MYL9: variants seen among roughly 807,000 people sequenced by gnomAD.
MYL9 encodes the protein myosin regulatory light polypeptide 9.
In MYL9, 7 loss-of-function variants were observed where a neutral mutation model predicts 12.8. That is an observed-to-expected ratio of 0.55 (90% CI 0.31 to 1.03). The LOEUF (loss-of-function observed/expected upper bound fraction) is 1.03. Ranked by LOEUF, MYL9 falls within the 50% of genes least tolerant of loss-of-function variation. The pLI is 0.05. For missense variants in MYL9, 190 were observed against 242.7 expected (o/e 0.78, Z 1.44); for synonymous variants, 81 against 87.8 (o/e 0.92, Z 0.43).
chr20:36,545,783 G>C (rs2038092406), intron 2 of MYL9, among the ~76,000 whole-genome samples: 1 of 151,996 alleles, frequency 6.6e-6, no homozygotes, highest in South Asian at 2.1e-4. Flanking sequence ...ACAAAAATTA[G>C]CTGGGCGTGG....
chr20:36,545,122 A>T, intron 2 of MYL9, 54 bp downstream of exon 2: 2 of 1,583,282 alleles, frequency 1.3e-6, no homozygotes, highest in Non-Finnish European at 1.7e-6. Context: ...AGGCTCTGCC[A>T]ATCATTTACA....
rs567506519 is a variant in MYL9, at chr20:36,544,478, A to G, written c.-26-381A>G. Among the ~76,000 whole-genome samples, 3 of 152,326 alleles carry G rather than the reference A, an allele frequency of 2.0e-5. No homozygotes were observed. The South Asian group carries it at 6.2e-4, about 32-fold the overall frequency. On this transcript the variant is annotated intron_variant, in intron 1 of 3. Transcript: ENST00000279022. ...GACAGTGTAAATGCTATTAAGGATT[A>G]AAGGAGATAAAGCATGGTAATGGTT...
rs779011392 is a variant in MYL9 at position 36,549,066 on chromosome 20, C to CCTGCCCGCAGGTTTCATCCATGAGGACCA, written c.347-9_366dup. 3.1e-6 allele frequency: 5 copies of CCTGCCCGCAGGTTTCATCCATGAGGACCA among 1,610,896 alleles called. No individual in the cohort carries two copies. The highest frequency in any genetic ancestry group is 3.4e-6 in the Non-Finnish European group (4 of 1,178,898). On this transcript the variant is annotated splice_polypyrimidine_tract_variant and intron_variant, in intron 3 of 3. Transcript: ENST00000279022. The stretch of plus-strand genomic sequence containing the variant: ...AGTTCCTGCTCTCACCCACCCTGCC[C>CCTGCCCGCAGGTTTCATCCATGAGGACCA]CTGCCCGCAGGTTTCATCCATGAGG...
chr20:36,549,167 C>G lies in MYL9; in HGVS notation c.437C>G (p.Ala146Gly). ...GAAGTGGACGAGATGTACCGGGAGG[C>G]ACCCATTGATAAGAAAGGCAACTTC... ...DEEVDEMYRE[A>G]PIDKKGNFNY... Residue 146 changes from alanine to glycine, a missense_variant, in exon 4 of 4, where the codon GCA becomes GGA. By Grantham distance (60) the Ala-to-Gly change is moderately conservative. Transcript: ENST00000279022. The G allele has an allele frequency of 6.2e-7, 1 of 1,614,036 alleles. No homozygotes were observed. The highest frequency in any genetic ancestry group is 8.5e-7 in the Non-Finnish European group (1 of 1,180,002).
Position 36,549,337 on chromosome 20 carries a change from C to T in MYL9, c.*88C>T. 1.7e-6 allele frequency: 2 copies of T among 1,189,606 alleles called. No individual in the cohort carries two copies. Among genetic ancestry groups the T allele is most frequent in the Non-Finnish European group, 1.2e-6 (1 of 844,570 alleles). The allele number at this position is 1,189,606 out of a possible 1,614,324, so 73.7% of individuals were successfully genotyped here. On this transcript the variant is annotated 3_prime_UTR_variant, in exon 4 of 4. Transcript: ENST00000279022. ...ATACCAGCTCCCTGCCCATGACCCT[C>T]GCTCAGGGATCCCCCTTTGAGGGGT...
At chr20:36,548,734 A>C (rs553793172) in intron 3 of MYL9, among the ~76,000 whole-genome samples, 2 of 152,168 alleles carry the variant, frequency 1.3e-5, no homozygotes, top group Admixed American at 6.5e-5. Flanking sequence ...CAGCACTGCA[A>C]CTCAGGCAGT....
In MYL9 at chr20:36,547,911, C is replaced by T. The variant is rs796657576; in HGVS notation, c.185-121C>T. ...GAGCCATGCTTTCCAGTTCACAAAA[C>T]CCACTACCTCCCGTCTCACACGGAG... On this transcript the variant is annotated intron_variant, in intron 2 of 3. Coordinates refer to ENST00000279022, the MANE Select transcript of MYL9 (RefSeq NM_006097.5). 21 of 1,244,664 alleles carry T rather than the reference C, an allele frequency of 1.7e-5. No individual in the cohort carries two copies. In the African/African-American group the frequency reaches 3.1e-4, roughly 18 times the overall value. The allele number at this position is 1,244,664 out of a possible 1,614,324, so 77.1% of individuals were successfully genotyped here. A position where few individuals can be genotyped will look rare whatever the true frequency, so the allele number is the denominator to read the frequency against.
rs138677678 is a variant in MYL9, at chr20:36,548,343, G to A, written c.346+150G>A. On this transcript the variant is annotated intron_variant, in intron 3 of 3. Transcript: ENST00000279022. ...AAAGCCAGGCCACCTCCTTATTGTC[G>A]CCGCAAAGGCTAGGCCAGAACAGCC... 142 of 1,119,168 alleles carry A rather than the reference G, an allele frequency of 1.3e-4. No homozygotes were observed. The East Asian group carries it at 3.4e-3, about 26-fold the overall frequency. 69.3% of individuals were successfully genotyped at this position (1,119,168 alleles called of 1,614,324 possible). A position where few individuals can be genotyped will look rare whatever the true frequency, so the allele number is the denominator to read the frequency against.
intron 2 of MYL9, among the ~76,000 whole-genome samples, 155 bp downstream of exon 2, chr20:36,545,223 C>T (rs376771874): frequency 5.4e-4 from 83 of 152,304 alleles, no homozygotes; most frequent in African/African-American, 1.8e-3. Context: ...CTGGGCCGGG[C>T]GCGGTGGCTC....
chr20:36,543,568 A>C (rs1472779271), intron 1 of MYL9, among the ~76,000 whole-genome samples: 1 of 152,218 alleles, frequency 6.6e-6, no homozygotes, highest in African/African-American at 2.4e-5. Flanking sequence ...AGCTGTGGCA[A>C]GCATTCAGGG....
intron 2 of MYL9, 68 bp downstream of exon 2, chr20:36,545,136 C>T: frequency 2.6e-6 from 4 of 1,536,344 alleles, no homozygotes; most frequent in Middle Eastern, 1.7e-4. Flanking sequence ...ATTTACAGGG[C>T]ACCTCCTGTG....
In MYL9 at chr20:36,542,196, G is replaced by C. The variant is rs560180771; in HGVS notation, c.-27+635G>C. Among the ~76,000 whole-genome samples, 1,083 of 152,270 alleles carry C rather than the reference G, an allele frequency of 7.1e-3. 6 individuals carry two copies. Among genetic ancestry groups the C allele is most frequent in the Non-Finnish European group, 0.011 (772 of 67,982 alleles). On this transcript the variant is annotated intron_variant, in intron 1 of 3. Transcript: ENST00000279022. ...AGGGCCCTGATGGACTCACCCCTAG[G>C]GGGCAGGACGAGGACTAGTGGCTGG...
At chr20:36,549,000 A>C in intron 3 of MYL9, 77 bp from the exon 4 acceptor site, 1 of 1,431,948 alleles carries the variant, frequency 7.0e-7, no homozygotes, top group African/African-American at 1.4e-5. Context: ...AAGAGCTGCC[A>C]GGGGGCTGAG....
Position 36,551,373 on chromosome 20 carries a change from T to G in MYL9, c.*2124T>G, listed in dbSNP as rs1238106516. On this transcript the variant is annotated 3_prime_UTR_variant, in exon 4 of 4. Transcript: ENST00000279022. The stretch of plus-strand genomic sequence containing the variant: ...GAAAATACTGGCAGATTTAAATGCA[T>G]GAAGTCAACATTCTTTTTGTAGAGC... 6.6e-6 allele frequency: 1 copy of G among 152,214 alleles called. No individual in the cohort carries two copies. Among genetic ancestry groups the G allele is most frequent in the Non-Finnish European group, 1.5e-5 (1 of 68,048 alleles). 9.4% of individuals were successfully genotyped at this position (152,214 alleles called of 1,614,324 possible). A position where few individuals can be genotyped will look rare whatever the true frequency, so the allele number is the denominator to read the frequency against.
Position 36,549,460 on chromosome 20 carries a change from T to G in MYL9, c.*211T>G. The G allele has an allele frequency of 3.8e-6, 2 of 527,598 alleles. No homozygotes were observed. The highest frequency in any genetic ancestry group is 6.8e-6 in the Non-Finnish European group (2 of 296,172). 32.7% of individuals were successfully genotyped at this position (527,598 alleles called of 1,614,324 possible). A position where few individuals can be genotyped will look rare whatever the true frequency, so the allele number is the denominator to read the frequency against. On this transcript the variant is annotated 3_prime_UTR_variant, in exon 4 of 4. Coordinates refer to ENST00000279022, the MANE Select transcript of MYL9 (RefSeq NM_006097.5). ...GTGACCCCAGAGCCCTGGGCTATAG[T>G]CTCTGACCCCTCCAAGGAAAGACCA... is the stretch of plus-strand genomic sequence containing the variant.
chr20:36,548,810 T>TC (rs2038134051), intron 3 of MYL9, among the ~76,000 whole-genome samples: 1 of 151,948 alleles, frequency 6.6e-6, no homozygotes, highest in Non-Finnish European at 1.5e-5. Context: ...AGCCTCAAGT[T>TC]CCCCAAGTGA....
intron 1 of MYL9, among the ~76,000 whole-genome samples, chr20:36,542,206 G>C (rs1031409151): frequency 2.0e-5 from 3 of 152,146 alleles, no homozygotes; most frequent in Non-Finnish European, 4.4e-5. Flanking sequence ...GGGGCAGGAC[G>C]AGGACTAGTG....
chr20:36,543,296 C>G (rs554641500), intron 1 of MYL9, among the ~76,000 whole-genome samples: 1 of 152,314 alleles, frequency 6.6e-6, no homozygotes, highest in Non-Finnish European at 1.5e-5. Flanking sequence ...TGGGGCTGGC[C>G]GGGATCCCAG....
intron 1 of MYL9, among the ~76,000 whole-genome samples, chr20:36,542,512 T>A (rs77912495): frequency 6.6e-6 from 1 of 152,134 alleles, no homozygotes; most frequent in African/African-American, 2.4e-5. Context: ...GCCCCACCCA[T>A]GCCTGCCCCT....
Sources: allele counts gnomAD v4.1 joint callset (sites outside exome capture counted in the v4.1 genomes callset), GRCh38; gene constraint gnomAD v4.1.1; transcripts MANE v1.5; gene names NCBI Gene and HGNC (gene_info 2026-07-23, HGNC 2026-07-21).